Variants in HUWE1 observed in about 807,000 individuals in gnomAD.
HUWE1 encodes the protein HECT, UBA and WWE domain containing E3 ubiquitin protein ligase 1.
Under a neutral mutation model 299.4 loss-of-function variants are expected in HUWE1, and 18 were observed. The ratio of observed to expected loss-of-function variants is 0.06; its 90% CI spans 0.04 to 0.09. The LOEUF (loss-of-function observed/expected upper bound fraction) is 0.09. Ranked by LOEUF, HUWE1 falls within the 10% of genes least tolerant of loss-of-function variation. HUWE1 has a pLI of 1.00. For synonymous variants in HUWE1, 1,317 were observed against 1,286.1 expected (o/e 1.02, Z -0.51); for missense variants, 1,832 against 3,462.3 (o/e 0.53, Z 11.82).
At chrX:53,559,656 G>T in intron 56 of HUWE1, 124 bp from the exon 57 acceptor site, 1 of 599,321 alleles carries the variant, frequency 1.7e-6, no homozygotes, top group South Asian at 2.6e-5. Context: ...ACCTGATGAT[G>T]TGCACACAAG....
intron 78 of HUWE1, 62 bp downstream of exon 78, chrX:53,537,494 C>T (rs1451850781): frequency 8.8e-6 from 10 of 1,140,973 alleles, no homozygotes; most frequent in Admixed American, 2.3e-5. Context: ...AGCAAGCCAT[C>T]GCTACTGTGC....
intron 82 of HUWE1, 69 bp from the exon 83 acceptor site, chrX:53,534,266 A>G: frequency 1.0e-6 from 1 of 965,066 alleles, no homozygotes. Context: ...GGGGGATGGA[A>G]TCTAGGAAAC....
intron 3 of HUWE1, among the ~76,000 whole-genome samples, chrX:53,678,614 C>T (rs1292309588): frequency 9.0e-6 from 1 of 111,623 alleles, no homozygotes; most frequent in African/African-American, 3.3e-5. Context: ...TGAAAATCAA[C>T]ATGTAAGTAG....
At chrX:53,535,538 T>G (rs781803542) in intron 80 of HUWE1, 37 bp from the exon 81 acceptor site, 1 of 926,476 alleles carries the variant, frequency 1.1e-6, no homozygotes, top group East Asian at 3.1e-5. Context: ...CATATCAGAC[T>G]TCATCTAGGA....
chrX:53,667,134 A>C (rs1368737089), intron 3 of HUWE1, among the ~76,000 whole-genome samples: 1 of 112,361 alleles, frequency 8.9e-6, no homozygotes, highest in Non-Finnish European at 1.9e-5. Context: ...TCAATACACA[A>C]AAAAAGAGAA....
At chrX:53,594,168 T>C (rs1372280294) in intron 31 of HUWE1, among the ~76,000 whole-genome samples, 1 of 111,347 alleles carries the variant, frequency 9.0e-6, no homozygotes, top group East Asian at 2.8e-4. Context: ...CATCTTGAAA[T>C]CATCTGACCA....
chrX:53,535,960 G>C (rs2061039214), intron 80 of HUWE1, 187 bp downstream of exon 80: 1 of 289,641 alleles, frequency 3.5e-6, no homozygotes, highest in Non-Finnish European at 6.1e-6. Flanking sequence ...GGTGAAACTA[G>C]GAAATGGCCT....
intron 17 of HUWE1, 61 bp downstream of exon 17, chrX:53,627,349 C>G (rs1039516538): frequency 2.9e-6 from 2 of 686,739 alleles, no homozygotes; most frequent in South Asian, 4.8e-5. Context: ...AGAATGAAAA[C>G]TGGGGTGGGA....
At chrX:53,618,156 A>T (rs1382923456) in intron 19 of HUWE1, among the ~76,000 whole-genome samples, 2 of 112,269 alleles carry the variant, frequency 1.8e-5, no homozygotes, top group East Asian at 5.5e-4. Flanking sequence ...GCTATGAAGA[A>T]TTAACAGAAA....
Position 53,584,306 on chromosome X carries a change from T to C in HUWE1, c.5041A>G (p.Thr1681Ala). 8.3e-7 allele frequency: 1 copy of C among 1,206,908 alleles called. No homozygotes were observed. Among genetic ancestry groups the C allele is most frequent in the Non-Finnish European group, 1.1e-6 (1 of 891,886 alleles). ...TTCAGCCGAGGTACCCTGAGGAGAG[T>C]CAGCATCACAGGGCGTCGGTTCCCT... ...ETGNRRPVML[T>A]LLRVPRLNKN... Residue 1681 changes from threonine (T) to alanine (A), a missense_variant, in exon 41 of 84, where the codon ACT becomes GCT. Thr to Ala is a moderately conservative substitution (Grantham distance 58, BLOSUM62 0). Around this residue, in one of 15 missense-constraint regions of HUWE1, gnomAD observed 658 missense variants for 1,282.6 expected, o/e 0.51. Coordinates refer to ENST00000262854, the MANE Select transcript of HUWE1 (RefSeq NM_031407.7).
intron 63 of HUWE1, 109 bp from the exon 64 acceptor site, chrX:53,551,589 T>G (rs2061765900): frequency 1.4e-6 from 1 of 704,843 alleles, no homozygotes; most frequent in South Asian, 2.3e-5. Flanking sequence ...CTTGCCTCAC[T>G]GCAGTGTTGA....
Position 53,604,717 on chromosome X carries a change from G to T in HUWE1, c.2614C>A (p.Arg872=), listed in dbSNP as rs782695696. 1.6e-5 allele frequency: 19 copies of T among 1,210,255 alleles called. No homozygotes were observed. Among genetic ancestry groups the T allele is most frequent in the Non-Finnish European group, 2.1e-5 (19 of 895,240 alleles). The change falls in exon 26 of 84, where the codon CGA becomes AGA. Residue 872 remains arginine, a synonymous_variant. Transcript: ENST00000262854. ...ACATTGCCTGCGCAAGCCAGTTCTC[G>T]CAACAACACTGAGCCCCCAGGGGAT... ...IESPGGSVLL[R]ELACAGNVAD...
intron 3 of HUWE1, among the ~76,000 whole-genome samples, chrX:53,662,773 G>A (rs2069067946): frequency 8.9e-6 from 1 of 111,840 alleles, no homozygotes; most frequent in Non-Finnish European, 1.9e-5. Flanking sequence ...GAGGAGGCCC[G>A]CAACTGAGTT....
intron 3 of HUWE1, among the ~76,000 whole-genome samples, chrX:53,673,272 A>G (rs1164075711): frequency 9.0e-6 from 1 of 111,668 alleles, no homozygotes; most frequent in Non-Finnish European, 1.9e-5. Flanking sequence ...GGGTATTAAA[A>G]AAGTATCTCC....
chrX:53,677,186 T>A (rs1303210453), intron 3 of HUWE1, among the ~76,000 whole-genome samples: 1 of 100,402 alleles, frequency 1.0e-5, no homozygotes, highest in African/African-American at 3.7e-5. Context: ...AAGTATCACC[T>A]GGGAACTTAT....
intron 68 of HUWE1, 57 bp downstream of exon 68, chrX:53,547,616 G>A (rs1556924048): frequency 8.4e-7 from 1 of 1,192,006 alleles, no homozygotes; most frequent in East Asian, 3.0e-5. Flanking sequence ...TGGAAAAGGG[G>A]GTGAAGTGGG....
chrX:53,566,133 GTATATATATATATATA>G (rs71830310), intron 49 of HUWE1, among the ~76,000 whole-genome samples: 4 of 38,970 alleles, frequency 1.0e-4, no homozygotes, highest in African/African-American at 1.9e-4. Context: ...GTGTGTGTGT[GTATATATATATATATA>G]TATATATATA....
At chrX:53,565,885 C>T (rs2062507712) in intron 49 of HUWE1, among the ~76,000 whole-genome samples, 1 of 108,675 alleles carries the variant, frequency 9.2e-6, no homozygotes. Context: ...GCCCTCCTCG[C>T]CCGGCTGATA....
intron 24 of HUWE1, among the ~76,000 whole-genome samples, chrX:53,608,042 C>T (rs782485741): frequency 1.8e-5 from 2 of 112,149 alleles, no homozygotes; most frequent in East Asian, 5.6e-4. Flanking sequence ...TACCTCTCTC[C>T]TGCAGGCAAA....
Sources: allele counts gnomAD v4.1 joint callset (sites outside exome capture counted in the v4.1 genomes callset), GRCh38; gene constraint gnomAD v4.1.1; regional missense constraint gnomAD v4.1.1; transcripts MANE v1.5; gene names NCBI Gene and HGNC (gene_info 2026-07-23, HGNC 2026-07-21).